SCHIP1: variants seen among roughly 807,000 people sequenced by gnomAD.
SCHIP1 encodes schwannomin interacting protein 1, also known as schwannomin-interacting protein 1.
In SCHIP1, 8 loss-of-function variants were observed where a neutral mutation model predicts 29.7. The observed-to-expected ratio is 0.27, with a 90% CI of 0.16 to 0.49. The LOEUF (loss-of-function observed/expected upper bound fraction) is 0.49. Among genes scored for constraint, SCHIP1 ranks in the 20% least tolerant of loss-of-function variants. SCHIP1 has a pLI of 0.99. For missense variants in SCHIP1, 193 were observed against 294.6 expected, an observed-to-expected ratio of 0.66 and a Z score of 2.52; for synonymous variants, 76 against 94.9, an observed-to-expected ratio of 0.80 and a Z score of 1.16.
chr3:159,641,513 C>T, the SCHIP1 span, among the ~76,000 whole-genome samples: 7 of 152,050 alleles, frequency 4.6e-5, no homozygotes, highest in Non-Finnish European at 8.8e-5. Flanking sequence ...TGCCTGGATA[C>T]GAACAGGGCT....
chr3:159,588,691 A>G, the SCHIP1 span, among the ~76,000 whole-genome samples: 2 of 152,222 alleles, frequency 1.3e-5, no homozygotes, highest in Non-Finnish European at 2.9e-5. Flanking sequence ...ATGGCTAGCC[A>G]GTTTTCCCAG....
the SCHIP1 span, among the ~76,000 whole-genome samples, chr3:159,408,295 C>T: frequency 6.6e-6 from 1 of 150,888 alleles, no homozygotes; most frequent in African/African-American, 2.4e-5. Context: ...AAGACTCTAT[C>T]TCAAAATAAT....
the SCHIP1 span, among the ~76,000 whole-genome samples, chr3:159,569,388 A>C: frequency 6.6e-6 from 1 of 152,120 alleles, no homozygotes; most frequent in Non-Finnish European, 1.5e-5. Flanking sequence ...TCATTATTCA[A>C]TTCCCACCTA....
chr3:159,285,506 TTTTAATAA>T, the SCHIP1 span, among the ~76,000 whole-genome samples: 1 of 152,118 alleles, frequency 6.6e-6, no homozygotes, highest in Non-Finnish European at 1.5e-5. Context: ...CAAGAGCTCA[TTTTAATAA>T]CATAAGAACA....
chr3:159,887,542 C>G (rs1039347131), intron 3 of SCHIP1, 166 bp from the exon 5 acceptor site: 3 of 712,850 alleles, frequency 4.2e-6, no homozygotes, highest in Middle Eastern at 4.1e-4. Flanking sequence ...TTAAACTAGA[C>G]CCTTTTTCTG....
At chr3:159,543,663 T>A in the SCHIP1 span, among the ~76,000 whole-genome samples, 11 of 151,944 alleles carry the variant, frequency 7.2e-5, no homozygotes, top group Non-Finnish European at 1.3e-4. Context: ...TTGTGAATAG[T>A]GCCGCAATAA....
At chr3:159,446,227 C>T in the SCHIP1 span, among the ~76,000 whole-genome samples, 3 of 151,960 alleles carry the variant, frequency 2.0e-5, no homozygotes, top group African/African-American at 4.8e-5. Flanking sequence ...CATGCAAACA[C>T]ACACACACAC....
At chr3:159,677,449 G>T in the SCHIP1 span, among the ~76,000 whole-genome samples, 120 of 150,774 alleles carry the variant, frequency 8.0e-4, 1 homozygote, top group African/African-American at 2.9e-3. Context: ...TGCAGGCTGA[G>T]AATCAGGAAG....
chr3:159,849,860 C>T (rs1165866865), intron 1 of SCHIP1, among the ~76,000 whole-genome samples: 3 of 152,180 alleles, frequency 2.0e-5, no homozygotes, highest in Non-Finnish European at 4.4e-5. Context: ...TTAGAGGAAA[C>T]ATTTTAAGCA....
At chr3:159,504,517 A>G in the SCHIP1 span, among the ~76,000 whole-genome samples, 1 of 152,192 alleles carries the variant, frequency 6.6e-6, no homozygotes, top group African/African-American at 2.4e-5. Context: ...TAAGTCTGGG[A>G]AGGCAGTTTA....
At chr3:159,875,786 T>C (rs1051232107) in intron 2 of SCHIP1, among the ~76,000 whole-genome samples, 6 of 152,170 alleles carry the variant, frequency 3.9e-5, no homozygotes, top group African/African-American at 1.4e-4. Flanking sequence ...ATTCAGATTA[T>C]TGCACGCATT....
chr3:159,350,829 C>T, the SCHIP1 span, among the ~76,000 whole-genome samples: 1 of 151,888 alleles, frequency 6.6e-6, no homozygotes, highest in Non-Finnish European at 1.5e-5. Context: ...TAACTATAGC[C>T]CTCATGTAGT....
At chr3:159,562,674 G>A in the SCHIP1 span, among the ~76,000 whole-genome samples, 1 of 152,160 alleles carries the variant, frequency 6.6e-6, no homozygotes. Context: ...CTTCCATAAA[G>A]TTTTTGTAAG....
chr3:159,291,958 C>G, the SCHIP1 span, among the ~76,000 whole-genome samples: 9 of 152,054 alleles, frequency 5.9e-5, no homozygotes, highest in African/African-American at 2.2e-4. Context: ...CAACCAAATA[C>G]AGTATGTGGG....
the SCHIP1 span, among the ~76,000 whole-genome samples, chr3:159,631,258 G>C: frequency 6.6e-6 from 1 of 151,748 alleles, no homozygotes; most frequent in Non-Finnish European, 1.5e-5. Flanking sequence ...AAAATGGTGT[G>C]ACTACTGTGG....
At chr3:159,733,742 T>C in the SCHIP1 span, among the ~76,000 whole-genome samples, 1 of 152,220 alleles carries the variant, frequency 6.6e-6, no homozygotes, top group Admixed American at 6.5e-5. Flanking sequence ...AGACAGAATG[T>C]TCATGAAAAA....
At chr3:159,795,051 G>A in the SCHIP1 span, among the ~76,000 whole-genome samples, 2 of 152,282 alleles carry the variant, frequency 1.3e-5, no homozygotes, top group African/African-American at 2.4e-5. Context: ...ACCTAAGAAA[G>A]CAGGACAGAA....
the SCHIP1 span, among the ~76,000 whole-genome samples, chr3:159,532,907 A>T: frequency 1.3e-5 from 2 of 152,230 alleles, no homozygotes; most frequent in Non-Finnish European, 2.9e-5. Flanking sequence ...TCTAAGTCAC[A>T]AAAGGTACTT....
the SCHIP1 span, among the ~76,000 whole-genome samples, chr3:159,748,222 G>A: frequency 6.6e-6 from 1 of 152,224 alleles, no homozygotes; most frequent in African/African-American, 2.4e-5. Context: ...TTGATTGTAA[G>A]TTCCACCCCA....
Sources: allele counts gnomAD v4.1 joint callset (sites outside exome capture counted in the v4.1 genomes callset), GRCh38; gene constraint gnomAD v4.1.1; transcripts MANE v1.5; gene names NCBI Gene and HGNC (gene_info 2026-07-23, HGNC 2026-07-21).